ADAR: variants seen among roughly 807,000 people sequenced by gnomAD.
The protein encoded by ADAR is double-stranded RNA-specific adenosine deaminase.
In ADAR, 41 loss-of-function variants were observed where a neutral mutation model predicts 113.2. The ratio of observed to expected loss-of-function variants is 0.36; its 90% confidence interval spans 0.28 to 0.47. The LOEUF (loss-of-function observed/expected upper bound fraction) is 0.47. ADAR is among the 20% of genes least tolerant of loss of function. The pLI is 1.00. For synonymous variants in ADAR, 605 were observed against 572.6 expected, an observed-to-expected ratio of 1.06 and a Z score of -0.81; for missense variants, 1,242 against 1,540.9, an observed-to-expected ratio of 0.81 and a Z score of 3.25.
chr1:154,599,865 A>G (rs1697746113), intron 2 of ADAR, among the ~76,000 whole-genome samples: 1 of 152,222 alleles, frequency 6.6e-6, no homozygotes, highest in African/African-American at 2.4e-5. Context: ...ATCTGTGCAG[A>G]GGAGGTTTAT....
chr1:154,584,696 A>T lies in ADAR; in HGVS notation c.*110T>A. The T allele has an allele frequency of 1.0e-6, 1 of 974,138 alleles. No homozygotes were observed. Among genetic ancestry groups the T allele is most frequent in the Non-Finnish European group, 1.6e-6 (1 of 637,228 alleles). The allele number at this position is 974,138 out of a possible 1,614,324, so 60.3% of individuals were successfully genotyped here. A position where few individuals can be genotyped will look rare whatever the true frequency, so the allele number is the denominator to read the frequency against. On this transcript the variant is annotated 3_prime_UTR_variant, in exon 15 of 15. Transcript: ENST00000368474. ...GTATCACCAATTATGGCTTAAAAAGAAAAAAAAAGGAGAAAAAAAAATCCC... is the reference window on the plus strand; with the variant it reads ...GTATCACCAATTATGGCTTAAAAAGTAAAAAAAAGGAGAAAAAAAAATCCC...
chr1:154,590,138 A>AGGGGGGGGGGGGGGGGGGGGGGGG, intron 7 of ADAR, 46 bp downstream of exon 7: 3 of 1,173,774 alleles, frequency 2.6e-6, no homozygotes, highest in Non-Finnish European at 2.5e-6. Context: ...AGGAGTTAGG[A>AGGGGGGGGGGGGGGGGGGGGGGGG]GGACCCCCCC....
chr1:154,627,903 G>C (rs374052574), exon 1 of ADAR: 13 of 518,228 alleles, frequency 2.5e-5, no homozygotes, highest in African/African-American at 1.9e-4. Flanking sequence ...GAGACTGCCA[G>C]TGCGGCCGCG....
rs115205788 is a variant in ADAR at position 154,584,393 on chromosome 1, T to A, written c.*413A>T. The A allele has an allele frequency of 3.0e-3, 532 of 177,186 alleles. 2 individuals carry two copies. The highest frequency in any genetic ancestry group is 0.012 in the African/African-American group (514 of 41,906). 11.0% of individuals were successfully genotyped at this position (177,186 alleles called of 1,614,324 possible). On this transcript the variant is annotated 3_prime_UTR_variant, in exon 15 of 15. Transcript: ENST00000368474. ...TCTGCGTAATCCACAAATGAAATTA[T>A]CAGTCCCTGACATGATCCAGAGTTG... is the stretch of plus-strand genomic sequence containing the variant.
At chr1:154,609,557 C>T (rs540941594), upstream of ADAR, among the ~76,000 whole-genome samples, 1 of 152,292 alleles carries the variant, frequency 6.6e-6, no homozygotes, top group Admixed American at 6.5e-5. Flanking sequence ...ACCTCCTCCA[C>T]GGCTTCCCGT....
chr1:154,589,569 C>T, intron 8 of ADAR, 107 bp from the exon 9 acceptor site: 1 of 1,234,928 alleles, frequency 8.1e-7, no homozygotes, highest in Non-Finnish European at 1.2e-6. Flanking sequence ...GCCTCAGTTT[C>T]TCAGATCCTA....
intron 1 of ADAR, among the ~76,000 whole-genome samples, chr1:154,617,900 GATT>G (rs1698679469): frequency 6.6e-6 from 1 of 151,688 alleles, no homozygotes; most frequent in African/African-American, 2.4e-5. Flanking sequence ...AAGAAAAATA[GATT>G]ATTTGCAGAT....
chr1:154,586,406 C>T (rs1168232614), intron 11 of ADAR, 43 bp from the exon 12 acceptor site: 3 of 1,596,866 alleles, frequency 1.9e-6, no homozygotes, highest in Non-Finnish European at 2.6e-6. Context: ...GCCAATGGAC[C>T]AAACCACTCC....
intron 1 of ADAR, 68 bp from the exon 2 acceptor site, chr1:154,602,694 C>T (rs1697968013): frequency 2.5e-6 from 4 of 1,578,520 alleles, no homozygotes; most frequent in East Asian, 2.2e-5. Context: ...GGAGGCCCCT[C>T]CCTTTGCTGC....
At chr1:154,598,354 A>T in intron 3 of ADAR, 48 bp downstream of exon 3, 1 of 1,589,426 alleles carries the variant, frequency 6.3e-7, no homozygotes, top group South Asian at 1.1e-5. Context: ...GTTACAATCC[A>T]GACACTGACA....
intron 6 of ADAR, among the ~76,000 whole-genome samples, chr1:154,593,247 CTAAAG>C (rs1219955721): frequency 4.0e-5 from 6 of 151,392 alleles, no homozygotes; most frequent in Non-Finnish European, 5.9e-5. Context: ...TAAGAAGCAA[CTAAAG>C]TATATTATTG....
chr1:154,604,621 C>T (rs1312720092), intron 1 of ADAR, among the ~76,000 whole-genome samples: 1 of 152,204 alleles, frequency 6.6e-6, no homozygotes, highest in African/African-American at 2.4e-5. Context: ...AAAAAATTCT[C>T]CTCCCAGGGT....
rs1696633129 is a variant in ADAR at position 154,584,757 on chromosome 1, T to C, written c.*49A>G. 1 of 1,479,750 alleles carries C rather than the reference T, an allele frequency of 6.8e-7. No individual in the cohort carries two copies. Among genetic ancestry groups the C allele is most frequent in the Non-Finnish European group, 9.4e-7 (1 of 1,059,430 alleles). The allele number at this position is 1,479,750 out of a possible 1,614,324, so 91.7% of individuals were successfully genotyped here. The stretch of plus-strand genomic sequence containing the variant: ...GATGAGGAATGCTACGACCTACCTC[T>C]CTCACACCCTAGTATGACACACCCT... On this transcript the variant is annotated 3_prime_UTR_variant, in exon 15 of 15. Transcript: ENST00000368474.
At chr1:154,588,882 T>A (rs1367757021) in intron 9 of ADAR, among the ~76,000 whole-genome samples, 1 of 152,222 alleles carries the variant, frequency 6.6e-6, no homozygotes. Context: ...TGCTGAGGGC[T>A]CCTCGCTATG....
At chr1:154,585,669 C>A (rs1053793311) in intron 13 of ADAR, 84 bp downstream of exon 13, 4 of 1,210,620 alleles carry the variant, frequency 3.3e-6, no homozygotes, top group Non-Finnish European at 4.8e-6. Flanking sequence ...GTTCCCCTTG[C>A]CCACAGTGTA....
chr1:154,594,857 C>T (rs749470439), intron 6 of ADAR, among the ~76,000 whole-genome samples: 2 of 152,074 alleles, frequency 1.3e-5, no homozygotes, highest in South Asian at 2.1e-4. Flanking sequence ...AAGGAGTCAA[C>T]GTATAAAACA....
chr1:154,602,760 T>G (rs561372654), intron 1 of ADAR, 134 bp from the exon 2 acceptor site: 1 of 1,125,582 alleles, frequency 8.9e-7, no homozygotes, highest in South Asian at 1.6e-5. Context: ...GCTTATGACT[T>G]GGCTAGGGTG....
intron 2 of ADAR, chr1:154,600,044 T>C (rs1325446655): frequency 6.6e-6 from 1 of 152,392 alleles, no homozygotes; most frequent in Non-Finnish European, 1.5e-5. Flanking sequence ...CCTGCACCTC[T>C]CTCAGAAAAC....
intron 2 of ADAR, among the ~76,000 whole-genome samples, chr1:154,599,289 T>G (rs370871411): frequency 6.6e-6 from 1 of 152,246 alleles, no homozygotes; most frequent in Non-Finnish European, 1.5e-5. Flanking sequence ...TGGGATTTCA[T>G]TTAGAAAAGT....
Sources: allele counts gnomAD v4.1 joint callset (sites outside exome capture counted in the v4.1 genomes callset), GRCh38; gene constraint gnomAD v4.1.1; transcripts MANE v1.5; gene names NCBI Gene and HGNC (gene_info 2026-07-23, HGNC 2026-07-21).